TMEM26: variants seen among roughly 807,000 people sequenced by gnomAD.
TMEM26 encodes the protein transmembrane protein 26.
TMEM26 carries 38 observed loss-of-function variants against 28.8 expected under a neutral mutation model. The ratio of observed to expected loss-of-function variants is 1.32; its 90% CI spans 1.02 to 1.73. TMEM26 has a LOEUF of 1.73. Among genes scored for constraint, TMEM26 ranks in the 40% most tolerant of loss-of-function variants. The probability of loss-of-function intolerance (pLI) is 0.00; values close to 1 mark genes in which losing one functional copy is unlikely to be tolerated. For synonymous variants in TMEM26, 227 were observed against 182.9 expected (o/e 1.24, Z -1.95); for missense variants, 518 against 447.1 (o/e 1.16, Z -1.43).
intron 1 of TMEM26, among the ~76,000 whole-genome samples, chr10:61,438,980 T>C (rs1188675669): frequency 1.3e-5 from 2 of 152,170 alleles, no homozygotes; most frequent in Non-Finnish European, 2.9e-5. Flanking sequence ...GAATTAATTA[T>C]ATTCAACTCA....
chr10:61,447,852 C>T (rs1840211150), intron 1 of TMEM26, among the ~76,000 whole-genome samples: 2 of 152,194 alleles, frequency 1.3e-5, no homozygotes, highest in African/African-American at 2.4e-5. Flanking sequence ...CTGCACACCC[C>T]CCTCACTCTG....
Position 61,429,023 on chromosome 10 carries a change from TGATC to T in TMEM26, c.504_507del (p.Ile169LeufsTer27). On this transcript the variant is annotated frameshift_variant, in exon 4 of 6. Coordinates refer to ENST00000399298, the MANE Select transcript of TMEM26 (RefSeq NM_178505.8). LOFTEE classifies it high-confidence loss of function. ...AGAAGTTGAGAGAGTTGATCTCGAGTGATCCCGCCTCCAATGGGTAGAAGCCATC... is the reference window on the plus strand; with the variant it reads ...AGAAGTTGAGAGAGTTGATCTCGAGTCCGCCTCCAATGGGTAGAAGCCATC... The T allele has an allele frequency of 1.2e-6, 2 of 1,613,220 alleles. No individual in the cohort carries two copies. Among genetic ancestry groups the T allele is most frequent in the Non-Finnish European group, 1.7e-6 (2 of 1,179,440 alleles).
At chr10:61,450,798 A>G (rs1314088753) in intron 1 of TMEM26, among the ~76,000 whole-genome samples, 6 of 152,216 alleles carry the variant, frequency 3.9e-5, no homozygotes, top group South Asian at 2.1e-4. Flanking sequence ...CCTGGAACCA[A>G]TGGTTTATTG....
In TMEM26 at chr10:61,413,860, A is replaced by G. The variant is rs183091640; in HGVS notation, c.606-325T>C. 16 of 1,004,392 alleles carry G rather than the reference A, an allele frequency of 1.6e-5. No individual in the cohort carries two copies. In the East Asian group the frequency reaches 1.4e-3, roughly 86 times the overall value. 62.2% of individuals were successfully genotyped at this position (1,004,392 alleles called of 1,614,324 possible). On this transcript the variant is annotated intron_variant, in intron 4 of 5. Coordinates refer to ENST00000399298, the MANE Select transcript of TMEM26 (RefSeq NM_178505.8). ...TAGGGGAGAAAATATAGATATTAAC[A>G]TGGATATTCAAATGGCTGATTTCAA... is the stretch of plus-strand genomic sequence containing the variant.
At position 61,417,228 on chromosome 10, in the gene TMEM26, C is replaced by T. The variant is rs537500718; in HGVS notation, c.606-3693G>A. On this transcript the variant is annotated intron_variant, in intron 4 of 5. Coordinates refer to ENST00000399298, the MANE Select transcript of TMEM26 (RefSeq NM_178505.8). ...TGAGAAGCATGTAAGCAGACAATGA[C>T]TTGCTTCAGAGAGAAACAAAAAAAT... Among the ~76,000 whole-genome samples the T allele has an allele frequency of 1.4e-4, 21 of 151,972 alleles. No homozygotes were observed. The South Asian group carries it at 3.9e-3, about 29-fold the overall frequency.
At chr10:61,413,854 AT>A in intron 4 of TMEM26, 2 of 1,008,986 alleles carry the variant, frequency 2.0e-6, no homozygotes, top group Non-Finnish European at 2.4e-6. Flanking sequence ...AAATATAGAT[AT>A]TAACATGGAT....
chr10:61,413,302 C>G (rs1839597829), intron 5 of TMEM26, among the ~76,000 whole-genome samples, 157 bp downstream of exon 5: 1 of 152,114 alleles, frequency 6.6e-6, no homozygotes, highest in Non-Finnish European at 1.5e-5. Context: ...CTCTTCTTGG[C>G]TTACTAAGTT....
intron 4 of TMEM26, chr10:61,414,887 G>T: frequency 1.5e-6 from 1 of 668,702 alleles, no homozygotes; most frequent in Non-Finnish European, 1.8e-6. Context: ...TTCTGAAAAA[G>T]TCTCCCATAG....
At chr10:61,417,536 T>G (rs1403226867) in intron 4 of TMEM26, among the ~76,000 whole-genome samples, 1 of 150,726 alleles carries the variant, frequency 6.6e-6, no homozygotes, top group Non-Finnish European at 1.5e-5. Flanking sequence ...AAAAATGAAG[T>G]ATTAACCTAT....
intron 4 of TMEM26, 69 bp from the exon 5 acceptor site, chr10:61,413,604 C>G: frequency 1.3e-6 from 2 of 1,488,284 alleles, no homozygotes; most frequent in Non-Finnish European, 1.8e-6. Flanking sequence ...TCTTCTCAGT[C>G]AAGTTTTTTA....
At chr10:61,435,616 C>T (rs1416207427) in intron 2 of TMEM26, among the ~76,000 whole-genome samples, 1 of 152,234 alleles carries the variant, frequency 6.6e-6, no homozygotes. Context: ...TTCACTAAGG[C>T]AGCCCGTGGG....
intron 4 of TMEM26, among the ~76,000 whole-genome samples, chr10:61,422,849 G>T (rs1312455719): frequency 6.6e-6 from 1 of 152,004 alleles, no homozygotes; most frequent in Non-Finnish European, 1.5e-5. Flanking sequence ...GTGGAAAACA[G>T]AATAACAGTA....
chr10:61,407,781 G>A lies in TMEM26; in HGVS notation c.*2541C>T, dbSNP rs957493210. The A allele has an allele frequency of 6.6e-6, 1 of 152,090 alleles. No homozygotes were observed. The highest frequency in any genetic ancestry group is 1.5e-5 in the Non-Finnish European group (1 of 68,024). The allele number at this position is 152,090 out of a possible 1,614,324, so 9.4% of individuals were successfully genotyped here. Reference sequence around the variant, plus strand: ...GTTGGGGAGTGACCTACTGTGTGTTGGGGGGAGGGGTTATGATAGAGAGGA... The same window carrying A: ...GTTGGGGAGTGACCTACTGTGTGTTAGGGGGAGGGGTTATGATAGAGAGGA... On this transcript the variant is annotated 3_prime_UTR_variant, in exon 6 of 6. Coordinates refer to ENST00000399298, the MANE Select transcript of TMEM26 (RefSeq NM_178505.8).
rs1839917940 is a variant in TMEM26, at chr10:61,431,274, T to C, written c.329A>G (p.Asn110Ser). ...SQNTSRKEDF[N>S]QTLTSNEQTS... is the part of the protein sequence containing the mutation. The stretch of plus-strand genomic sequence containing the variant: ...TTGTTCATTGGATGTCAATGTTTGA[T>C]TGAAGTCTTCTTTTCTGCTGGTATT... The change falls in exon 3 of 6, where the codon AAT (asparagine) becomes AGT (serine). Residue 110 changes from asparagine (N) to serine (S), a missense_variant. Asn to Ser is a conservative substitution (Grantham distance 46). Transcript: ENST00000399298. 2 of 1,613,264 alleles carry C rather than the reference T, an allele frequency of 1.2e-6. No individual in the cohort carries two copies. The highest frequency in any genetic ancestry group is 1.3e-5 in the African/African-American group (1 of 74,996).
At chr10:61,413,786 G>T (rs1839607851) in intron 4 of TMEM26, 3 of 1,119,746 alleles carry the variant, frequency 2.7e-6, no homozygotes, top group Non-Finnish European at 2.2e-6. Context: ...GTCCCATATT[G>T]CTGTCTTTAG....
At chr10:61,447,981 C>A (rs1202410045) in intron 1 of TMEM26, among the ~76,000 whole-genome samples, 3 of 152,266 alleles carry the variant, frequency 2.0e-5, no homozygotes. Context: ...AGCCCCTTGA[C>A]TAAAATGTGA....
intron 1 of TMEM26, among the ~76,000 whole-genome samples, chr10:61,437,206 G>A (rs1162225092): frequency 6.6e-6 from 1 of 151,960 alleles, no homozygotes; most frequent in African/African-American, 2.4e-5. Context: ...TATTGGATTG[G>A]GACCCTACCT....
At position 61,410,484 on chromosome 10, in the gene TMEM26, C is replaced by G; in HGVS notation, c.945G>C (p.Leu315Phe). 17 of 1,614,140 alleles carry G rather than the reference C, an allele frequency of 1.1e-5. No homozygotes were observed. The highest frequency in any genetic ancestry group is 1.4e-5 in the Non-Finnish European group (17 of 1,180,026). Residue 315 changes from leucine to phenylalanine, a missense_variant, in exon 6 of 6, where the codon TTG (leucine) becomes TTC (phenylalanine). Physicochemically the swap from Leu to Phe is conservative, Grantham distance 22. Coordinates refer to ENST00000399298, the MANE Select transcript of TMEM26 (RefSeq NM_178505.8). ...CTTTCAGGCCTTCTGACTGACTTCTCAACGAAGCACGGACTGCCAATGCCA... is the reference window on the plus strand; with the variant it reads ...CTTTCAGGCCTTCTGACTGACTTCTGAACGAAGCACGGACTGCCAATGCCA... ...VVLALAVRAS[L>F]RSQSEGLKGE... is the part of the protein sequence containing the mutation.
chr10:61,441,066 T>C (rs968673143), intron 1 of TMEM26, among the ~76,000 whole-genome samples: 1 of 152,220 alleles, frequency 6.6e-6, no homozygotes, highest in South Asian at 2.1e-4. Flanking sequence ...TAGTGTCACA[T>C]TGTTGTATTT....
Sources: gnomAD v4.1 joint callset for allele counts (sites outside exome capture counted in the v4.1 genomes callset) on GRCh38, gnomAD v4.1.1 for gene constraint, MANE v1.5 for transcripts, NCBI Gene and HGNC (gene_info 2026-07-23, HGNC 2026-07-21) for gene names.